The following NCOA1 variants were observed in gnomAD, a reference collection of about 807,000 sequenced individuals.
NCOA1 encodes Hin-2 protein.
Under a neutral mutation model 150.9 loss-of-function variants are expected in NCOA1, and 35 were observed. The observed-to-expected ratio is 0.23, with a 90% confidence interval of 0.18 to 0.31. The LOEUF is 0.31. NCOA1 is among the 10% of genes least tolerant of loss of function. The pLI is 1.00. For synonymous variants in NCOA1, 590 were observed against 630.0 expected, an observed-to-expected ratio of 0.94 and a Z score of 0.95; for missense variants, 1,491 against 1,749.3, an observed-to-expected ratio of 0.85 and a Z score of 2.63.
chr2:24,719,526 T>C (rs1428999597), intron 14 of NCOA1, among the ~76,000 whole-genome samples: 1 of 152,218 alleles, frequency 6.6e-6, no homozygotes, highest in Non-Finnish European at 1.5e-5. Flanking sequence ...ACATTTCTTG[T>C]AGTTGTAAAG....
intron 19 of NCOA1, among the ~76,000 whole-genome samples, chr2:24,748,375 G>C (rs1254517856): frequency 6.6e-6 from 1 of 152,154 alleles, no homozygotes; most frequent in Non-Finnish European, 1.5e-5. Context: ...ACTTTGGGAG[G>C]CCGAGGCAGG....
Position 24,544,225 on chromosome 2 carries a change from T to A in NCOA1, c.-395-20070T>A, listed in dbSNP as rs554112098. Among the ~76,000 whole-genome samples, 16 of 152,234 alleles carry A rather than the reference T, an allele frequency of 1.1e-4. No homozygotes were observed. The East Asian group carries it at 3.1e-3, about 29-fold the overall frequency. On this transcript the variant is annotated intron_variant, in intron 1 of 22. Transcript: ENST00000348332. The stretch of plus-strand genomic sequence containing the variant: ...GGAGGAGAAGATTAGGGAAGGATGG[T>A]TGAGTTCAGTTTGAGATGCCTATGA...
At chr2:24,609,873 G>A (rs564272477) in intron 3 of NCOA1, among the ~76,000 whole-genome samples, 108 of 151,346 alleles carry the variant, frequency 7.1e-4, no homozygotes, top group East Asian at 2.5e-3. Context: ...GAAATGTAGC[G>A]TTTTCATTAT....
At chr2:24,514,298 A>G (rs1434426853) in intron 1 of NCOA1, among the ~76,000 whole-genome samples, 1 of 150,698 alleles carries the variant, frequency 6.6e-6, no homozygotes, top group Non-Finnish European at 1.5e-5. Context: ...AAAAAAAAAA[A>G]AAAAAAAAGG....
chr2:24,768,224 G>A lies in NCOA1; in HGVS notation c.4159G>A (p.Val1387Met). 1 of 1,611,578 alleles carries A rather than the reference G, an allele frequency of 6.2e-7. No individual in the cohort carries two copies. Among genetic ancestry groups the A allele is most frequent in the South Asian group, 1.1e-5 (1 of 91,036 alleles). ...ACATCTTTTATTTGTGTTCCAGCAG[G>A]TGCAACAGGTTCAGGTGTTTGCTGA... ...LKTEADGTQQ[V>M]QQVQVFADVQ... Residue 1387 changes from valine to methionine, a missense_variant, in exon 23 of 23, where the codon GTG (valine) becomes ATG (methionine). Val to Met is a conservative substitution (Grantham distance 21). Transcript: ENST00000348332.
At chr2:24,757,726 T>C (rs1468319112) in intron 20 of NCOA1, among the ~76,000 whole-genome samples, 1 of 152,172 alleles carries the variant, frequency 6.6e-6, no homozygotes, top group African/African-American at 2.4e-5. Flanking sequence ...ATTTAGATGA[T>C]TGTAGCCTAG....
At chr2:24,714,500 A>G (rs976969955) in intron 14 of NCOA1, among the ~76,000 whole-genome samples, 6 of 136,126 alleles carry the variant, frequency 4.4e-5, no homozygotes, top group South Asian at 4.4e-4. Flanking sequence ...TATAAACTAC[A>G]AAAAAAAAGA....
intron 1 of NCOA1, among the ~76,000 whole-genome samples, chr2:24,496,772 T>G (rs760803857): frequency 2.0e-5 from 3 of 152,208 alleles, no homozygotes; most frequent in Admixed American, 6.5e-5. Context: ...GAATAGGGTT[T>G]CTTTATGAGA....
chr2:24,518,950 T>C (rs1179759537), intron 1 of NCOA1, among the ~76,000 whole-genome samples: 6 of 152,166 alleles, frequency 3.9e-5, no homozygotes, highest in African/African-American at 1.4e-4. Flanking sequence ...CAGGAATTTT[T>C]TGGTACTAGT....
intron 4 of NCOA1, among the ~76,000 whole-genome samples, chr2:24,658,038 T>G (rs921993315): frequency 6.6e-6 from 1 of 152,192 alleles, no homozygotes; most frequent in South Asian, 2.1e-4. Context: ...GGAATGACTT[T>G]GTGTTCTCTG....
Position 24,706,911 on chromosome 2 carries a change from A to C in NCOA1, c.1441A>C (p.Ile481Leu). 1.9e-6 allele frequency: 3 copies of C among 1,614,200 alleles called. No individual in the cohort carries two copies. Among genetic ancestry groups the C allele is most frequent in the Non-Finnish European group, 1.7e-6 (2 of 1,180,044 alleles). Residue 481 changes from isoleucine to leucine, a missense_variant, in exon 13 of 23, where the codon ATA becomes CTA. By Grantham distance (5) the Ile-to-Leu change is conservative (BLOSUM62 2). Transcript: ENST00000348332. ...TAATTCTCCTATGGAAGGTACAGGAATATCCCTAGCACAGTTCATGTCTCC... is the reference window on the plus strand; with the variant it reads ...TAATTCTCCTATGGAAGGTACAGGACTATCCCTAGCACAGTTCATGTCTCC... ...LNNSPMEGTG[I>L]SLAQFMSPRR...
intron 3 of NCOA1, among the ~76,000 whole-genome samples, chr2:24,599,880 G>A (rs1438386756): frequency 1.3e-5 from 2 of 151,818 alleles, no homozygotes; most frequent in Non-Finnish European, 2.9e-5. Context: ...ACAGGTGCCC[G>A]CCACCACGTC....
intron 2 of NCOA1, 162 bp downstream of exon 2, chr2:24,564,592 G>A (rs1020972990): frequency 8.5e-5 from 13 of 152,132 alleles, no homozygotes; most frequent in Admixed American, 7.9e-4. Context: ...TACTCCCAAA[G>A]AAACCAACTG....
At chr2:24,610,432 C>T (rs554903251) in intron 3 of NCOA1, among the ~76,000 whole-genome samples, 71 of 151,946 alleles carry the variant, frequency 4.7e-4, no homozygotes, top group Non-Finnish European at 7.4e-4. Flanking sequence ...TGAGCCACAG[C>T]GCCCAGCCTT....
At position 24,707,287 on chromosome 2, in the gene NCOA1, A is replaced by G. The variant is rs1223770889; in HGVS notation, c.1817A>G (p.Lys606Arg). The G allele has an allele frequency of 6.8e-6, 11 of 1,614,212 alleles. No individual in the cohort carries two copies. Among genetic ancestry groups the G allele is most frequent in the Non-Finnish European group, 9.3e-6 (11 of 1,180,038 alleles). ...IQSDNSSSDGKPLDSGLLHNN... is the reference protein window; with the variant it reads ...IQSDNSSSDGRPLDSGLLHNN... ...TCTGACAACAGCTCTAGTGATGGCA[A>G]ACCTCTGGATTCAGGGCTTCTGCAT... Residue 606 changes from lysine (K) to arginine (R), a missense_variant, in exon 13 of 23, where the codon AAA becomes AGA. By Grantham distance (26) the Lys-to-Arg change is conservative. Around this residue, in one of 8 missense-constraint regions of NCOA1, gnomAD observed 703 missense variants for 717.7 expected, o/e 0.98. Transcript: ENST00000348332.
At chr2:24,585,396 A>C (rs532042789) in intron 3 of NCOA1, among the ~76,000 whole-genome samples, 1 of 152,216 alleles carries the variant, frequency 6.6e-6, no homozygotes, top group East Asian at 1.9e-4. Flanking sequence ...TGAAATGTTT[A>C]AGTATTCAGA....
At chr2:24,578,437 A>G (rs1046742518) in intron 2 of NCOA1, among the ~76,000 whole-genome samples, 1 of 152,200 alleles carries the variant, frequency 6.6e-6, no homozygotes, top group African/African-American at 2.4e-5. Context: ...AATTAAAACT[A>G]AAAAGAAAAA....
At chr2:24,727,837 T>C (rs559105565) in intron 15 of NCOA1, among the ~76,000 whole-genome samples, 26 of 152,338 alleles carry the variant, frequency 1.7e-4, no homozygotes, top group African/African-American at 6.3e-4. Flanking sequence ...ACAATCAAAA[T>C]GATTTGATCA....
At chr2:24,604,436 GAA>G in intron 3 of NCOA1, among the ~76,000 whole-genome samples, 1 of 152,282 alleles carries the variant, frequency 6.6e-6, no homozygotes, top group South Asian at 2.1e-4. Context: ...CATCTACATT[GAA>G]ATCTGCTGTT....
Sources: gnomAD v4.1 joint callset for allele counts (sites outside exome capture counted in the v4.1 genomes callset) on GRCh38, gnomAD v4.1.1 for gene constraint, gnomAD v4.1.1 regional missense constraint, MANE v1.5 for transcripts, NCBI Gene and HGNC (gene_info 2026-07-23, HGNC 2026-07-21) for gene names.